Variants in ADAM15 observed in about 807,000 individuals in gnomAD.
The protein encoded by ADAM15 is disintegrin and metalloproteinase domain-containing protein 15.
ADAM15 carries 77 observed loss-of-function variants against 113.8 expected under a neutral mutation model. That is an observed-to-expected ratio of 0.68 (90% confidence interval 0.56 to 0.82). The LOEUF (loss-of-function observed/expected upper bound fraction) is 0.82, where lower values mean the gene tolerates loss of function less well. Ranked by LOEUF, ADAM15 falls within the 40% of genes least tolerant of loss-of-function variation. The probability of loss-of-function intolerance (pLI) is 0.00; values close to 1 mark genes in which losing one functional copy is unlikely to be tolerated. For missense variants in ADAM15, 963 were observed against 1,120.1 expected, an observed-to-expected ratio of 0.86 and a Z score of 2.00; for synonymous variants, 388 against 454.1, an observed-to-expected ratio of 0.85 and a Z score of 1.85.
rs1661704924 is a variant in ADAM15, at chr1:155,055,960, TGCTA to T, written c.705_708del (p.Leu236ThrfsTer17). 3 of 1,614,136 alleles carry T rather than the reference TGCTA, an allele frequency of 1.9e-6. No homozygotes were observed. The highest frequency in any genetic ancestry group is 1.7e-6 in the Non-Finnish European group (2 of 1,180,030). On this transcript the variant is annotated frameshift_variant, in exon 8 of 23. Transcript: ENST00000356955. LOFTEE classifies it high-confidence loss of function. ...CAGAAATACCGGGACTTCCAGCACC[TGCTA>T]AACCGCACACTGGAAGTGGCCCTCT...
chr1:155,060,418 C>T, intron 18 of ADAM15, 75 bp downstream of exon 18: 1 of 1,579,418 alleles, frequency 6.3e-7, no homozygotes, highest in Non-Finnish European at 8.7e-7. Context: ...CTCTGCAGCC[C>T]CTGCCACCTG....
intron 17 of ADAM15, 52 bp downstream of exon 17, chr1:155,060,026 C>T: frequency 5.0e-6 from 8 of 1,605,320 alleles, no homozygotes; most frequent in Non-Finnish European, 6.8e-6. Context: ...GCGTCTCATG[C>T]TTTATCTTGC....
At position 155,057,545 on chromosome 1, in the gene ADAM15, T is replaced by C; in HGVS notation, c.1324-92T>C. On this transcript the variant is annotated intron_variant, in intron 12 of 22. Transcript: ENST00000356955. This position sits in a 1 kb window ranked among gnomAD's most constrained non-coding sequence, Gnocchi z 5.0. Reference sequence around the variant, plus strand: ...TCTAGCCCTCGCTTGCTGTGTAGCTTCTGGTCTTGGCCTGTGGGAGGAGGA... The same window carrying C: ...TCTAGCCCTCGCTTGCTGTGTAGCTCCTGGTCTTGGCCTGTGGGAGGAGGA... 6.5e-7 allele frequency: 1 copy of C among 1,538,146 alleles called. No individual in the cohort carries two copies. The highest frequency in any genetic ancestry group is 9.0e-7 in the Non-Finnish European group (1 of 1,115,928).
At chr1:155,059,303 G>C (rs1662230729) in intron 16 of ADAM15, among the ~76,000 whole-genome samples, 1 of 152,088 alleles carries the variant, frequency 6.6e-6, no homozygotes, top group African/African-American at 2.4e-5. Context: ...CTGACCTCAA[G>C]TGATCCTCCC....
rs1184451957 is a variant in ADAM15 at position 155,054,440 on chromosome 1, C to G, written c.546C>G (p.Ser182Arg). 4.3e-6 allele frequency: 7 copies of G among 1,613,556 alleles called. No homozygotes were observed. In the East Asian group the frequency reaches 6.7e-5, roughly 15 times the overall value. The change falls in exon 6 of 23, where the codon AGC becomes AGG. Residue 182 changes from serine (S) to arginine (R), a missense_variant. Transcript: ENST00000356955. ...LHLPGHTCAL[S>R]WRESVHTQKP... Reference sequence around the variant, plus strand: ...TGCCAGGCCACACCTGTGCCCTGAGCTGGCGGGAATCTGTACACACTCAGA... The same window carrying G: ...TGCCAGGCCACACCTGTGCCCTGAGGTGGCGGGAATCTGTACACACTCAGA...
rs1417538578 is a variant in ADAM15, at chr1:155,054,446, G to A, written c.552G>A (p.Arg184=). Residue 184 remains arginine, a synonymous_variant, in exon 6 of 23, where the codon CGG becomes CGA. Coordinates refer to ENST00000356955, the MANE Select transcript of ADAM15 (RefSeq NM_207197.3). ...GCCACACCTGTGCCCTGAGCTGGCG[G>A]GAATCTGTACACACTCAGAAGCCAC... is the stretch of plus-strand genomic sequence containing the variant. ...LPGHTCALSW[R]ESVHTQKPPE... is the part of the protein sequence containing the mutation. 2.5e-6 allele frequency: 4 copies of A among 1,613,116 alleles called. No homozygotes were observed. The highest frequency in any genetic ancestry group is 3.4e-6 in the Non-Finnish European group (4 of 1,179,550).
rs146141248 is a variant in ADAM15, at chr1:155,061,446, C to A, written c.2309C>A (p.Pro770His). 32 of 1,613,742 alleles carry A rather than the reference C, an allele frequency of 2.0e-5. No individual in the cohort carries two copies. In the African/African-American group the frequency reaches 2.1e-4, roughly 11 times the overall value. The change falls in exon 20 of 23, where the codon CCT (proline) becomes CAT (histidine). Residue 770 changes from proline to histidine, a missense_variant. Transcript: ENST00000356955. Reference sequence around the variant, plus strand: ...AGTGCTCTCAGCTTCCCGGCCCCCCCTTCCAGGCCGCTGCCGCCTGACCCT... The same window carrying A: ...AGTGCTCTCAGCTTCCCGGCCCCCCATTCCAGGCCGCTGCCGCCTGACCCT... ...QASALSFPAPPSRPLPPDPVS... is the reference protein window; with the variant it reads ...QASALSFPAPHSRPLPPDPVS...
At position 155,055,770 on chromosome 1, in the gene ADAM15, ATTC is replaced by A. The variant is rs1661671717; in HGVS notation, c.613-14_613-12del. On this transcript the variant is annotated splice_polypyrimidine_tract_variant and intron_variant, in intron 6 of 22. Coordinates refer to ENST00000356955, the MANE Select transcript of ADAM15 (RefSeq NM_207197.3). ...CTGCGAGCGGCAGGTTTGCCTGATA[ATTC>A]TTCTTGTCCATAGTAGAGGCGGGAT... 5 of 1,613,974 alleles carry A rather than the reference ATTC, an allele frequency of 3.1e-6. No individual in the cohort carries two copies. The highest frequency in any genetic ancestry group is 4.2e-6 in the Non-Finnish European group (5 of 1,180,006).
chr1:155,061,778 A>T, intron 20 of ADAM15, 126 bp from the exon 21 acceptor site: 1 of 1,101,220 alleles, frequency 9.1e-7, no homozygotes. Context: ...CCCTCTGCGC[A>T]TGCCCTCATT....
In ADAM15 at chr1:155,058,288, C is replaced by G. The variant is rs1487269523; in HGVS notation, c.1764C>G (p.Thr588=). Residue 588 remains threonine (T), a synonymous_variant, in exon 15 of 23, where the codon ACC becomes ACG. Coordinates refer to ENST00000356955, the MANE Select transcript of ADAM15 (RefSeq NM_207197.3). This position sits in a 1 kb window ranked among gnomAD's most constrained non-coding sequence, Gnocchi z 4.3. The stretch of plus-strand genomic sequence containing the variant: ...AGCTCCAGTGCCAGACAGGTAGGAC[C>G]CAGCCTCTGCTGGGCTCCATCCGGG... ...CGQLQCQTGR[T]QPLLGSIRDL... 1.2e-6 allele frequency: 2 copies of G among 1,613,976 alleles called. No homozygotes were observed. Among genetic ancestry groups the G allele is most frequent in the South Asian group, 2.2e-5 (2 of 91,066 alleles).
chr1:155,058,726 G>A lies in ADAM15; in HGVS notation c.1934G>A (p.Arg645Gln), dbSNP rs753923130. 106 of 1,613,636 alleles carry A rather than the reference G, an allele frequency of 6.6e-5. 1 individual carries two copies. Among genetic ancestry groups the A allele is most frequent in the Non-Finnish European group, 7.9e-5 (93 of 1,179,866 alleles). The change falls in exon 16 of 23, where the codon CGA becomes CAA. Residue 645 changes from arginine (R) to glutamine (Q), a missense_variant. Transcript: ENST00000356955. This position sits in a 1 kb window ranked among gnomAD's most constrained non-coding sequence, Gnocchi z 4.3. ...CTGGGTCAGGTGTGTATAGACCATC[G>A]ATGCCAGCGTGTGGATCTCCTGGGG... ...CGPGLVCIDH[R>Q]CQRVDLLGAQ...
chr1:155,053,099 C>T (rs963718878), intron 2 of ADAM15, among the ~76,000 whole-genome samples: 1 of 143,558 alleles, frequency 7.0e-6, no homozygotes. Context: ...GAGTCAGGAC[C>T]TTACCAAACC....
intron 16 of ADAM15, 128 bp from the exon 17 acceptor site, chr1:155,059,774 T>C (rs750557033): frequency 2.8e-5 from 27 of 961,214 alleles, no homozygotes; most frequent in Middle Eastern, 2.2e-4. Flanking sequence ...AGACCCTCCC[T>C]CCGGGCTGTC....
chr1:155,055,886 C>G (rs893619189), intron 7 of ADAM15, 34 bp downstream of exon 7: 3 of 1,614,238 alleles, frequency 1.9e-6, no homozygotes, highest in Non-Finnish European at 2.5e-6. Flanking sequence ...TCCTCCTCCC[C>G]CTGCACTGCC....
Position 155,054,355 on chromosome 1 carries a change from A to T in ADAM15, c.461A>T (p.Glu154Val). 1 of 1,611,940 alleles carries T rather than the reference A, an allele frequency of 6.2e-7. No individual in the cohort carries two copies. Among genetic ancestry groups the T allele is most frequent in the Non-Finnish European group, 8.5e-7 (1 of 1,179,020 alleles). The part of the protein sequence containing the change: ...VLTPERSYTL[E>V]QGPGDLQGPP... ...ACCCCAGAGAGAAGCTATACCCTGG[A>T]GCAGGGGCCTGGGGACCTTCAGGGT... The change falls in exon 6 of 23, where the codon GAG becomes GTG. Residue 154 changes from glutamate (E) to valine (V), a missense_variant. Coordinates refer to ENST00000356955, the MANE Select transcript of ADAM15 (RefSeq NM_207197.3).
intron 20 of ADAM15, 30 bp from the exon 21 acceptor site, chr1:155,061,874 C>A: frequency 6.7e-7 from 1 of 1,500,924 alleles, no homozygotes; most frequent in South Asian, 1.4e-5. Context: ...TGGTTATGCT[C>A]TCACAGCCAC....
intron 16 of ADAM15, among the ~76,000 whole-genome samples, chr1:155,059,287 G>A (rs1662229243): frequency 2.0e-5 from 3 of 152,006 alleles, no homozygotes; most frequent in Admixed American, 6.5e-5. Flanking sequence ...GGCTAGTCTT[G>A]AACTTCTGAC....
At position 155,061,398 on chromosome 1, in the gene ADAM15, C is replaced by G; in HGVS notation, c.2278-17C>G. On this transcript the variant is annotated splice_polypyrimidine_tract_variant and intron_variant, in intron 19 of 22. Coordinates refer to ENST00000356955, the MANE Select transcript of ADAM15 (RefSeq NM_207197.3). ...CTCTTCCCCCTCTGTGCCTATCTGCCCCTCCTGCCCTCTCAGCAGGCTAGT... is the reference window on the plus strand; with the variant it reads ...CTCTTCCCCCTCTGTGCCTATCTGCGCCTCCTGCCCTCTCAGCAGGCTAGT... The G allele has an allele frequency of 6.2e-7, 1 of 1,610,514 alleles. No individual in the cohort carries two copies. The highest frequency in any genetic ancestry group is 8.5e-7 in the Non-Finnish European group (1 of 1,177,918).
intron 4 of ADAM15, 52 bp downstream of exon 4, chr1:155,054,040 G>T (rs1271593866): frequency 6.2e-7 from 1 of 1,612,846 alleles, no homozygotes; most frequent in African/African-American, 1.3e-5. Flanking sequence ...GAGGGAGGGG[G>T]TGGCTGGAAG....
Sources: gnomAD v4.1 joint callset for allele counts (sites outside exome capture counted in the v4.1 genomes callset) on GRCh38, gnomAD v4.1.1 for gene constraint, Gnocchi (gnomAD v3.1) non-coding constraint, MANE v1.5 for transcripts, NCBI Gene and HGNC (gene_info 2026-07-23, HGNC 2026-07-21) for gene names.